DLGAP1: variants seen among roughly 807,000 people sequenced by gnomAD.
DLGAP1 encodes the protein DLG associated protein 1.
DLGAP1 carries 11 observed loss-of-function variants against 90.8 expected under a neutral mutation model. The observed-to-expected ratio is 0.12, with a 90% CI of 0.08 to 0.20. DLGAP1 has a LOEUF of 0.20. Among genes scored for constraint, DLGAP1 ranks in the 10% least tolerant of loss-of-function variants. The pLI is 1.00. For missense variants in DLGAP1, 1,050 were observed against 1,333.8 expected (o/e 0.79, Z 3.31); for synonymous variants, 558 against 540.7 (o/e 1.03, Z -0.44).
intron 9 of DLGAP1, among the ~76,000 whole-genome samples, chr18:3,538,189 T>G (rs2052484799): frequency 6.6e-6 from 1 of 152,102 alleles, no homozygotes. Flanking sequence ...AGAAAAAAAG[T>G]GGCTAAGGTA....
intron 5 of DLGAP1, among the ~76,000 whole-genome samples, chr18:3,795,188 T>C (rs3850800): frequency 0.15 from 22,710 of 152,146 alleles, 2,127 homozygotes; most frequent in East Asian, 0.39. Flanking sequence ...ACAGGGGAGA[T>C]GGATGTCATG....
intron 4 of DLGAP1, among the ~76,000 whole-genome samples, chr18:3,826,185 T>A (rs925989178): frequency 6.6e-6 from 1 of 152,302 alleles, no homozygotes; most frequent in Middle Eastern, 3.4e-3. Flanking sequence ...TGTTCATTAT[T>A]TGGATGATGA....
chr18:3,599,574 G>A (rs767395213), intron 7 of DLGAP1, among the ~76,000 whole-genome samples: 37 of 152,148 alleles, frequency 2.4e-4, no homozygotes, highest in Admixed American at 2.4e-3. Flanking sequence ...GGCGTGCAAG[G>A]TTTCACGTCT....
chr18:4,146,290 G>C (rs1441913796), intron 2 of DLGAP1, among the ~76,000 whole-genome samples: 2 of 152,144 alleles, frequency 1.3e-5, no homozygotes, highest in East Asian at 1.9e-4. Context: ...AGATACTAAA[G>C]TACATAGAGT....
At chr18:4,356,957 A>C (rs1598274387) in intron 1 of DLGAP1, among the ~76,000 whole-genome samples, 1 of 151,474 alleles carries the variant, frequency 6.6e-6, no homozygotes, top group Non-Finnish European at 1.5e-5. Context: ...CAAGGATAAC[A>C]CTCCCCCTTC....
chr18:3,673,569 A>T (rs745979736), intron 7 of DLGAP1, among the ~76,000 whole-genome samples: 4 of 152,036 alleles, frequency 2.6e-5, no homozygotes, highest in Non-Finnish European at 5.9e-5. Flanking sequence ...TTTTTTTTGG[A>T]TGGAGTCTCA....
intron 2 of DLGAP1, among the ~76,000 whole-genome samples, chr18:4,092,831 G>A (rs985789353): frequency 2.0e-5 from 3 of 152,132 alleles, no homozygotes; most frequent in Admixed American, 6.5e-5. Context: ...CTGTGACTGG[G>A]TAGGAGTTCC....
chr18:3,979,093 A>G (rs763882636), intron 3 of DLGAP1, among the ~76,000 whole-genome samples: 4 of 152,234 alleles, frequency 2.6e-5, no homozygotes, highest in Non-Finnish European at 5.9e-5. Flanking sequence ...AACATGGATG[A>G]ACTTGGATGA....
intron 2 of DLGAP1, among the ~76,000 whole-genome samples, chr18:4,120,579 G>A (rs1019926871): frequency 1.3e-5 from 2 of 152,166 alleles, no homozygotes; most frequent in African/African-American, 4.8e-5. Flanking sequence ...GAGGTCTATA[G>A]GTTTCGCCTG....
chr18:4,285,500 G>T (rs925684712), intron 1 of DLGAP1, among the ~76,000 whole-genome samples: 1 of 152,130 alleles, frequency 6.6e-6, no homozygotes, highest in African/African-American at 2.4e-5. Flanking sequence ...TAAGGGAAAA[G>T]AAATTATGGA....
At chr18:3,852,700 T>C (rs1331786469) in intron 4 of DLGAP1, among the ~76,000 whole-genome samples, 1 of 152,196 alleles carries the variant, frequency 6.6e-6, no homozygotes, top group African/African-American at 2.4e-5. Context: ...TGTTAGATCA[T>C]TAATGGCTGT....
intron 1 of DLGAP1, among the ~76,000 whole-genome samples, chr18:4,387,866 T>C (rs545802086): frequency 6.6e-6 from 1 of 151,032 alleles, no homozygotes; most frequent in Non-Finnish European, 1.5e-5. Context: ...GGGAGGTGGA[T>C]GCTGCAGTGA....
chr18:4,265,359 C>A (rs1308353501), intron 1 of DLGAP1, among the ~76,000 whole-genome samples: 2 of 151,772 alleles, frequency 1.3e-5, no homozygotes, highest in Admixed American at 6.6e-5. Flanking sequence ...TTAGTAGAGA[C>A]CGGGTTTCAC....
chr18:4,078,016 T>A (rs4797143), intron 2 of DLGAP1, among the ~76,000 whole-genome samples: 77,281 of 152,012 alleles, frequency 0.51, 20,945 homozygotes, highest in Non-Finnish European at 0.62. Context: ...GGGACCAGTC[T>A]GACTGCTGTG....
At chr18:3,713,569 T>G (rs979903941) in intron 7 of DLGAP1, among the ~76,000 whole-genome samples, 1 of 152,228 alleles carries the variant, frequency 6.6e-6, no homozygotes, top group African/African-American at 2.4e-5. Context: ...TGGTATAAGA[T>G]AGAAGTATGC....
intron 1 of DLGAP1, among the ~76,000 whole-genome samples, chr18:4,302,021 T>C (rs138184534): frequency 2.0e-4 from 30 of 152,302 alleles, no homozygotes; most frequent in African/African-American, 7.2e-4. Context: ...TTGAGTTTCT[T>C]ATATATATTG....
At chr18:4,388,249 C>T (rs1267739092) in intron 1 of DLGAP1, among the ~76,000 whole-genome samples, 2 of 152,052 alleles carry the variant, frequency 1.3e-5, no homozygotes, top group East Asian at 3.9e-4. Context: ...AGAGGGGAAA[C>T]TCAAGAATGA....
chr18:3,573,000 T>C (rs1428535869), intron 8 of DLGAP1, among the ~76,000 whole-genome samples: 2 of 152,108 alleles, frequency 1.3e-5, no homozygotes, highest in Admixed American at 1.3e-4. Context: ...TCTTAAACTT[T>C]TGTGTGAAGA....
intron 1 of DLGAP1, among the ~76,000 whole-genome samples, chr18:4,384,207 A>T (rs892825650): frequency 6.6e-6 from 1 of 152,160 alleles, no homozygotes. Context: ...GGGTCCAGGG[A>T]GGACATTTGC....
Sources: gnomAD v4.1 joint callset for allele counts (sites outside exome capture counted in the v4.1 genomes callset) on GRCh38, gnomAD v4.1.1 for gene constraint, MANE v1.5 for transcripts, NCBI Gene and HGNC (gene_info 2026-07-23, HGNC 2026-07-21) for gene names.